The following SLC6A18 variants were observed in gnomAD, a reference collection of about 807,000 sequenced individuals.
The protein encoded by SLC6A18 is inactive sodium-dependent neutral amino acid transporter B(0)AT3.
In SLC6A18, 58 loss-of-function variants were observed where a neutral mutation model predicts 62.9. The observed-to-expected ratio is 0.92, with a 90% confidence interval of 0.75 to 1.15. The LOEUF (loss-of-function observed/expected upper bound fraction) is 1.15, where lower values mean the gene tolerates loss of function less well. Among genes scored for constraint, SLC6A18 ranks in the 50% most tolerant of loss-of-function variants. The probability of loss-of-function intolerance (pLI) is 0.00; values close to 1 mark genes in which losing one functional copy is unlikely to be tolerated. For synonymous variants in SLC6A18, 382 were observed against 365.8 expected (o/e 1.04, Z -0.51); for missense variants, 793 against 836.6 (o/e 0.95, Z 0.64).
Position 1,243,835 on chromosome 5 carries a change from G to A in SLC6A18, c.1336+76G>A, listed in dbSNP as rs1197941919. The A allele has an allele frequency of 4.3e-6, 6 of 1,381,762 alleles. No homozygotes were observed. Among genetic ancestry groups the A allele is most frequent in the Non-Finnish European group, 4.9e-6 (5 of 1,026,622 alleles). 85.6% of individuals were successfully genotyped at this position (1,381,762 alleles called of 1,614,324 possible). On this transcript the variant is annotated intron_variant, in intron 9 of 11. Transcript: ENST00000324642. The surrounding 1 kb of genome is among the most constrained non-coding windows in gnomAD (Gnocchi z 6.5). ...GTCCACTCCCGCCCGCTGTCCAGAC[G>A]CCCCTCCTGGATGGAGAGCGCAAGG...
chr5:1,244,380 T>G lies in SLC6A18; in HGVS notation c.1496+7T>G. On this transcript the variant is annotated splice_region_variant and intron_variant, in intron 10 of 11. Transcript: ENST00000324642. ...ATGTTTATGGAATGAAACGGTGAGC[T>G]GCCGCCCCGCCGAGTGCTCCTCTGG... 1 of 1,613,970 alleles carries G rather than the reference T, an allele frequency of 6.2e-7. No homozygotes were observed. Among genetic ancestry groups the G allele is most frequent in the Non-Finnish European group, 8.5e-7 (1 of 1,179,898 alleles).
intron 4 of SLC6A18, among the ~76,000 whole-genome samples, chr5:1,236,499 T>C (rs998365761): frequency 2.0e-5 from 3 of 152,236 alleles, no homozygotes; most frequent in African/African-American, 7.2e-5. Flanking sequence ...AACCATGTGG[T>C]TTCCATTGGG....
chr5:1,233,992 C>G (rs528163821), intron 3 of SLC6A18, among the ~76,000 whole-genome samples: 1 of 152,276 alleles, frequency 6.6e-6, no homozygotes, highest in South Asian at 2.1e-4. Flanking sequence ...CCGCCTGCCT[C>G]GGCCTCCCAA....
At chr5:1,233,162 C>A (rs538633129) in intron 3 of SLC6A18, among the ~76,000 whole-genome samples, 3 of 152,182 alleles carry the variant, frequency 2.0e-5, no homozygotes, top group Non-Finnish European at 4.4e-5. Context: ...CGTGGTCATG[C>A]GAGGGCACTG....
At chr5:1,231,214 C>T (rs1293198826) in intron 1 of SLC6A18, among the ~76,000 whole-genome samples, 2 of 152,220 alleles carry the variant, frequency 1.3e-5, no homozygotes, top group South Asian at 2.1e-4. Flanking sequence ...CCTTCCACTG[C>T]GGGTGCCCCA....
rs1455812105 is a variant in SLC6A18, at chr5:1,237,941, T to C, written c.622-9T>C. Reference sequence around the variant, plus strand: ...TTTCAAGTCTCATGACTCCACCTTTTGTTTCAAGGTGATTTACTTCACAGC... The same window carrying C: ...TTTCAAGTCTCATGACTCCACCTTTCGTTTCAAGGTGATTTACTTCACAGC... On this transcript the variant is annotated splice_polypyrimidine_tract_variant and intron_variant, in intron 4 of 11. Coordinates refer to ENST00000324642, the MANE Select transcript of SLC6A18 (RefSeq NM_182632.3). 8 of 1,605,666 alleles carry C rather than the reference T, an allele frequency of 5.0e-6. No homozygotes were observed. Among genetic ancestry groups the C allele is most frequent in the Non-Finnish European group, 6.8e-6 (8 of 1,172,450 alleles).
intron 10 of SLC6A18, 48 bp from the exon 11 acceptor site, chr5:1,244,560 T>G: frequency 6.4e-7 from 1 of 1,559,604 alleles, no homozygotes; most frequent in Non-Finnish European, 8.7e-7. Flanking sequence ...TTGGAGTGGG[T>G]GGACCTTCCA....
intron 7 of SLC6A18, among the ~76,000 whole-genome samples, chr5:1,242,039 C>G (rs1347404779): frequency 3.3e-5 from 4 of 120,934 alleles, no homozygotes; most frequent in Non-Finnish European, 4.7e-5. Context: ...ACCTTAAGCC[C>G]TGAGGACAGA....
chr5:1,238,109 A>G, intron 5 of SLC6A18, 49 bp downstream of exon 5: 1 of 1,435,292 alleles, frequency 7.0e-7, no homozygotes, highest in Non-Finnish European at 9.8e-7. Flanking sequence ...CACACATTTC[A>G]GGGCTGTGGC....
intron 1 of SLC6A18, among the ~76,000 whole-genome samples, chr5:1,230,049 G>A (rs1242660556): frequency 1.3e-5 from 2 of 150,974 alleles, no homozygotes; most frequent in African/African-American, 2.4e-5. Context: ...GGCTGGAGGT[G>A]GGGGAGGGAA....
Position 1,227,088 on chromosome 5 carries a change from G to C in SLC6A18, c.160+1451G>C, listed in dbSNP as rs12519951. Reference sequence around the variant, plus strand: ...GCCCGCCGACCCCTTGCCCGCCGACGCCTTGCCCGCCGACGCCTTGCCCGC... The same window carrying C: ...GCCCGCCGACCCCTTGCCCGCCGACCCCTTGCCCGCCGACGCCTTGCCCGC... On this transcript the variant is annotated intron_variant, in intron 1 of 11. Transcript: ENST00000324642. Among the ~76,000 whole-genome samples, 499 of 66,608 alleles carry C rather than the reference G, an allele frequency of 7.5e-3. 3 individuals are homozygous for C. Among genetic ancestry groups the C allele is most frequent in the East Asian group, 0.013 (28 of 2,230 alleles). 43.7% of individuals were successfully genotyped at this position (66,608 alleles called of 152,430 possible).
chr5:1,235,621 G>T lies in SLC6A18; in HGVS notation c.580G>T (p.Val194Leu). Residue 194 changes from valine to leucine, a missense_variant, in exon 4 of 12, where the codon GTG becomes TTG. By Grantham distance (32) the Val-to-Leu change is conservative. Transcript: ENST00000324642. The stretch of plus-strand genomic sequence containing the variant: ...CTGCTTGGCAGCCTCCTGGGCAGTC[G>T]TGTACATGTGTGTCATCAGGGGCAT... ...LICLAASWAV[V>L]YMCVIRGIET... The T allele has an allele frequency of 6.2e-7, 1 of 1,613,982 alleles. No homozygotes were observed. Among genetic ancestry groups the T allele is most frequent in the Non-Finnish European group, 8.5e-7 (1 of 1,180,004 alleles).
chr5:1,238,929 G>A (rs1013027784), intron 5 of SLC6A18, among the ~76,000 whole-genome samples: 3 of 152,222 alleles, frequency 2.0e-5, no homozygotes, highest in Non-Finnish European at 4.4e-5. Flanking sequence ...CCCAGATCGC[G>A]GCACTCCCTG....
At chr5:1,237,069 A>G (rs1746900631) in intron 4 of SLC6A18, among the ~76,000 whole-genome samples, 1 of 138,724 alleles carries the variant, frequency 7.2e-6, no homozygotes, top group African/African-American at 2.7e-5. Context: ...CCCCGTGTCT[A>G]CTAAAAATAA....
chr5:1,229,636 C>T (rs760035534), intron 1 of SLC6A18, among the ~76,000 whole-genome samples: 11 of 152,204 alleles, frequency 7.2e-5, no homozygotes, highest in Non-Finnish European at 8.8e-5. Flanking sequence ...CCACATCTGT[C>T]CTCCACCCGG....
chr5:1,225,442 C>A lies in SLC6A18; in HGVS notation c.-36C>A, dbSNP rs1277528998. On this transcript the variant is annotated 5_prime_UTR_variant, in exon 1 of 12. Transcript: ENST00000324642. ...CTAGTGCTGGGTGTGGAGTGAGGCA[C>A]CACCCTTGCCCTGAAGCCTGGGGCA... 3 of 1,585,238 alleles carry A rather than the reference C, an allele frequency of 1.9e-6. No individual in the cohort carries two copies. The highest frequency in any genetic ancestry group is 2.6e-6 in the Non-Finnish European group (3 of 1,167,068).
At chr5:1,230,970 G>A (rs770624019) in intron 1 of SLC6A18, among the ~76,000 whole-genome samples, 9 of 152,182 alleles carry the variant, frequency 5.9e-5, no homozygotes, top group Admixed American at 2.6e-4. Flanking sequence ...GGACTGAGAC[G>A]CAGCATGCAG....
At position 1,246,046 on chromosome 5, in the gene SLC6A18, A is replaced by G; in HGVS notation, c.1855A>G (p.Thr619Ala). The G allele has an allele frequency of 6.3e-7, 1 of 1,589,930 alleles. No homozygotes were observed. The highest frequency in any genetic ancestry group is 2.3e-5 in the East Asian group (1 of 44,090). ...CCCGGACACGGACACGCGCCCAGAC[A>G]CGGACATGCGCCCGGACACGGACAT... ...MRPDTDTRPD[T>A]DMRPDTDMR The change falls in exon 12 of 12, where the codon ACG becomes GCG. Residue 619 changes from threonine (T) to alanine (A), a missense_variant. Transcript: ENST00000324642.
chr5:1,245,769 C>A, intron 11 of SLC6A18, 79 bp from the exon 12 acceptor site: 1 of 1,435,416 alleles, frequency 7.0e-7, no homozygotes, highest in Non-Finnish European at 9.3e-7. Context: ...TGGCTCTTGC[C>A]CCTTGGATTG....
Sources: allele counts gnomAD v4.1 joint callset (sites outside exome capture counted in the v4.1 genomes callset), GRCh38; gene constraint gnomAD v4.1.1; non-coding constraint Gnocchi (gnomAD v3.1); transcripts MANE v1.5; gene names NCBI Gene and HGNC (gene_info 2026-07-23, HGNC 2026-07-21).